The following NPAS3 variants were observed in gnomAD, a reference collection of about 807,000 sequenced individuals.
NPAS3 encodes the protein neuronal PAS domain-containing protein 3.
In NPAS3, 14 loss-of-function variants were observed where a neutral mutation model predicts 73.1. The observed-to-expected ratio is 0.19, with a 90% CI of 0.13 to 0.30. NPAS3 has a LOEUF of 0.30. Ranked by LOEUF, NPAS3 falls within the 10% of genes least tolerant of loss-of-function variation. NPAS3 has a pLI of 1.00. For synonymous variants in NPAS3, 620 were observed against 541.5 expected (o/e 1.14, Z -2.01); for missense variants, 1,096 against 1,250.0 (o/e 0.88, Z 1.86).
intron 3 of NPAS3, among the ~76,000 whole-genome samples, chr14:33,288,918 C>A (rs547995054): frequency 6.6e-6 from 1 of 152,040 alleles, no homozygotes; most frequent in Admixed American, 6.6e-5. Flanking sequence ...TCATGAGATT[C>A]CAATTAGCAC....
intron 4 of NPAS3, among the ~76,000 whole-genome samples, chr14:33,381,584 C>T (rs1594803319): frequency 6.6e-6 from 1 of 152,234 alleles, no homozygotes; most frequent in Admixed American, 6.5e-5. Context: ...CTTAAGGTCC[C>T]ATGGCTATTA....
At chr14:33,602,434 A>AT (rs2057427620) in intron 5 of NPAS3, among the ~76,000 whole-genome samples, 2 of 152,154 alleles carry the variant, frequency 1.3e-5, no homozygotes, top group Admixed American at 1.3e-4. Context: ...TGTGCACTGC[A>AT]TCTTGCTATC....
At chr14:33,295,501 A>G (rs1372285512) in intron 3 of NPAS3, among the ~76,000 whole-genome samples, 1 of 152,180 alleles carries the variant, frequency 6.6e-6, no homozygotes, top group East Asian at 1.9e-4. Context: ...ATACTCCTCA[A>G]GTTAAGGATT....
At chr14:33,652,334 G>A (rs2140236517) in intron 5 of NPAS3, among the ~76,000 whole-genome samples, 1 of 152,264 alleles carries the variant, frequency 6.6e-6, no homozygotes, top group East Asian at 1.9e-4. Context: ...TTTGAAACCA[G>A]CGTTTCCATA....
intron 5 of NPAS3, among the ~76,000 whole-genome samples, chr14:33,647,147 C>A (rs1375052266): frequency 1.3e-5 from 2 of 152,248 alleles, no homozygotes; most frequent in East Asian, 3.9e-4. Context: ...TGACCACACA[C>A]TAACTTGCTT....
chr14:33,593,714 A>G (rs192877629), intron 5 of NPAS3, among the ~76,000 whole-genome samples: 5 of 152,366 alleles, frequency 3.3e-5, no homozygotes, highest in Admixed American at 3.3e-4. Flanking sequence ...AAAGTAGCAT[A>G]TTTAAATTAA....
intron 2 of NPAS3, among the ~76,000 whole-genome samples, chr14:33,093,608 G>C (rs969903670): frequency 1.4e-4 from 21 of 146,144 alleles, no homozygotes; most frequent in Admixed American, 4.0e-4. Flanking sequence ...ACCCAGCCAT[G>C]CCATTACTGG....
intron 8 of NPAS3, among the ~76,000 whole-genome samples, chr14:33,777,215 A>T (rs1397518549): frequency 6.6e-6 from 1 of 152,168 alleles, no homozygotes; most frequent in Non-Finnish European, 1.5e-5. Flanking sequence ...AGGGGGTTTA[A>T]CTGTGCTTGG....
intron 3 of NPAS3, among the ~76,000 whole-genome samples, chr14:33,256,534 A>G (rs1318983278): frequency 6.6e-6 from 1 of 152,162 alleles, no homozygotes; most frequent in Non-Finnish European, 1.5e-5. Context: ...TAATTTTGTG[A>G]TGAATTAGAA....
intron 5 of NPAS3, among the ~76,000 whole-genome samples, chr14:33,620,740 T>C (rs1346025597): frequency 3.3e-5 from 5 of 152,132 alleles, no homozygotes; most frequent in African/African-American, 1.2e-4. Flanking sequence ...CATATAAATC[T>C]ATTTATTTAT....
chr14:32,941,714 G>A (rs546821721), intron 1 of NPAS3, among the ~76,000 whole-genome samples: 1 of 152,204 alleles, frequency 6.6e-6, no homozygotes, highest in African/African-American at 2.4e-5. Context: ...TTTAAAGGTT[G>A]GATCTGAGAA....
At chr14:33,291,657 T>C (rs1044326787) in intron 3 of NPAS3, among the ~76,000 whole-genome samples, 1 of 152,236 alleles carries the variant, frequency 6.6e-6, no homozygotes, top group Non-Finnish European at 1.5e-5. Context: ...GTATTCCACT[T>C]TCTGTTCAGG....
rs1232866435 is a variant in NPAS3 at position 33,301,306 on chromosome 14, T to TTATA, written c.386-65866_386-65863dup. On this transcript the variant is annotated intron_variant, in intron 3 of 11. Transcript: ENST00000356141. ...TCTAAACCCCACCTAGGTTTTATCA[T>TTATA]TATATATATATATATATTTTTTTTT... Among the ~76,000 whole-genome samples, 14 of 81,148 alleles carry TTATA rather than the reference T, an allele frequency of 1.7e-4. 3 individuals are homozygous for TTATA. The highest frequency in any genetic ancestry group is 2.8e-4 in the Non-Finnish European group (12 of 42,878). The allele number at this position is 81,148 out of a possible 152,430, so 53.2% of individuals were successfully genotyped here.
At chr14:33,329,838 GAGAA>G (rs1183498808) in intron 3 of NPAS3, among the ~76,000 whole-genome samples, 1 of 152,046 alleles carries the variant, frequency 6.6e-6, no homozygotes, top group Non-Finnish European at 1.5e-5. Context: ...GAGAGAGAGA[GAGAA>G]GTGCTTAAAA....
intron 2 of NPAS3, among the ~76,000 whole-genome samples, chr14:33,149,777 G>A (rs928159072): frequency 1.3e-5 from 2 of 152,138 alleles, no homozygotes; most frequent in East Asian, 3.9e-4. Flanking sequence ...GAACTAGATA[G>A]AGGAATCAGC....
At chr14:33,015,026 G>A (rs2139670301) in intron 1 of NPAS3, among the ~76,000 whole-genome samples, 1 of 152,348 alleles carries the variant, frequency 6.6e-6, no homozygotes, top group African/African-American at 2.4e-5. Flanking sequence ...GCAGGAGGCT[G>A]TATGTAGATC....
At chr14:33,769,746 TTTTTTTTTTC>T (rs2062582711) in intron 7 of NPAS3, among the ~76,000 whole-genome samples, 1 of 34,764 alleles carries the variant, frequency 2.9e-5, no homozygotes, top group African/African-American at 8.7e-5. Context: ...AAGACTTGGA[TTTTTTTTTTC>T]TTTTTTTTTT....
intron 3 of NPAS3, among the ~76,000 whole-genome samples, chr14:33,264,191 A>G (rs994992961): frequency 4.6e-5 from 7 of 151,484 alleles, no homozygotes; most frequent in African/African-American, 1.7e-4. Context: ...CAAACACCGC[A>G]TGTTCTCACT....
chr14:33,447,947 C>T (rs968662669), intron 4 of NPAS3, among the ~76,000 whole-genome samples: 2 of 152,066 alleles, frequency 1.3e-5, no homozygotes, highest in Non-Finnish European at 2.9e-5. Flanking sequence ...GATTAAGTGA[C>T]ATTTAGAAAG....
Sources: allele counts gnomAD v4.1 joint callset (sites outside exome capture counted in the v4.1 genomes callset), GRCh38; gene constraint gnomAD v4.1.1; transcripts MANE v1.5; gene names NCBI Gene and HGNC (gene_info 2026-07-23, HGNC 2026-07-21).